AP2B1: variants seen among roughly 807,000 people sequenced by gnomAD.
The protein encoded by AP2B1 is adaptor related protein complex 2 subunit beta 1.
AP2B1 carries 23 observed loss-of-function variants against 102.0 expected under a neutral mutation model. The ratio of observed to expected loss-of-function variants is 0.23; its 90% CI spans 0.16 to 0.32. The LOEUF is 0.32. AP2B1 is among the 10% of genes least tolerant of loss of function. AP2B1 has a pLI of 1.00. For synonymous variants in AP2B1, 381 were observed against 421.2 expected (o/e 0.90, Z 1.17); for missense variants, 541 against 1,157.4 (o/e 0.47, Z 7.73).
chr17:35,679,864 A>T (rs1170234390), intron 17 of AP2B1, among the ~76,000 whole-genome samples: 2 of 151,936 alleles, frequency 1.3e-5, no homozygotes, highest in African/African-American at 2.4e-5. Flanking sequence ...GATGTAGTTT[A>T]TCTAGGAAAA....
intron 12 of AP2B1, among the ~76,000 whole-genome samples, chr17:35,649,403 G>C (rs1377844233): frequency 6.6e-6 from 1 of 151,984 alleles, no homozygotes; most frequent in Non-Finnish European, 1.5e-5. Flanking sequence ...TGAGTAGCTG[G>C]GATTATAGGC....
At chr17:35,602,181 GTT>G (rs894098559) in intron 3 of AP2B1, among the ~76,000 whole-genome samples, 1 of 152,058 alleles carries the variant, frequency 6.6e-6, no homozygotes, top group African/African-American at 2.4e-5. Context: ...GTGGATGTCT[GTT>G]TGCCTTCATG....
intron 3 of AP2B1, among the ~76,000 whole-genome samples, chr17:35,600,091 A>AT (rs1036682627): frequency 2.0e-5 from 3 of 151,312 alleles, no homozygotes; most frequent in Non-Finnish European, 4.4e-5. Context: ...ATTTATCATT[A>AT]TTTTTTTTGA....
intron 16 of AP2B1, 64 bp downstream of exon 16, chr17:35,671,964 A>T (rs1239821942): frequency 6.4e-7 from 1 of 1,557,242 alleles, no homozygotes; most frequent in African/African-American, 1.4e-5. Context: ...TTTCACTTTC[A>T]ACATTTGTGT....
chr17:35,690,662 G>C (rs1030637475), intron 18 of AP2B1, among the ~76,000 whole-genome samples: 1 of 152,124 alleles, frequency 6.6e-6, no homozygotes, highest in Non-Finnish European at 1.5e-5. Context: ...CAGTTCCAGA[G>C]GTGCTACCAG....
In AP2B1 at chr17:35,717,323, A is replaced by G; in HGVS notation, c.2755A>G (p.Ile919Val). The change falls in exon 21 of 22, where the codon ATC becomes GTC. Residue 919 changes from isoleucine (I) to valine (V), a missense_variant. Ile to Val is a conservative substitution (Grantham distance 29). Around this residue, in one of 10 missense-constraint regions of AP2B1, gnomAD observed 117 missense variants for 206.7 expected, o/e 0.57. Coordinates refer to ENST00000610402, the MANE Select transcript of AP2B1 (RefSeq NM_001030006.2). Reference sequence around the variant, plus strand: ...CATTTGGATTTTGGCCGAACTACGTATCCAGCCAGGAAACCCCAATTACAC... The same window carrying G: ...CATTTGGATTTTGGCCGAACTACGTGTCCAGCCAGGAAACCCCAATTACAC... The part of the protein sequence containing the change: ...NGIWILAELR[I>V]QPGNPNYTLS... 1 of 1,614,184 alleles carries G rather than the reference A, an allele frequency of 6.2e-7. No individual in the cohort carries two copies. The highest frequency in any genetic ancestry group is 8.5e-7 in the Non-Finnish European group (1 of 1,180,004).
At chr17:35,626,560 T>C (rs916880925) in intron 6 of AP2B1, 61 bp from the exon 7 acceptor site, 4 of 1,364,750 alleles carry the variant, frequency 2.9e-6, no homozygotes, top group Non-Finnish European at 4.1e-6. Flanking sequence ...TATTACCTTA[T>C]AGAATGAATT....
At chr17:35,599,999 A>G (rs2073424016) in intron 3 of AP2B1, among the ~76,000 whole-genome samples, 1 of 152,236 alleles carries the variant, frequency 6.6e-6, no homozygotes, top group African/African-American at 2.4e-5. Flanking sequence ...ACGGCTTCAG[A>G]TTCTATATTG....
chr17:35,613,763 A>G (rs998346770), intron 5 of AP2B1, among the ~76,000 whole-genome samples: 2 of 152,212 alleles, frequency 1.3e-5, no homozygotes, highest in African/African-American at 4.8e-5. Flanking sequence ...CATTATTGCT[A>G]CAATATTAAT....
At chr17:35,639,297 C>T (rs1400385841) in intron 10 of AP2B1, among the ~76,000 whole-genome samples, 1 of 152,202 alleles carries the variant, frequency 6.6e-6, no homozygotes, top group Admixed American at 6.5e-5. Context: ...CATGCCAATG[C>T]ACTCTAGCCT....
rs587697984 is a variant in AP2B1 at position 35,722,368 on chromosome 17, T to G, written c.2782-1257T>G. On this transcript the variant is annotated intron_variant, in intron 21 of 21. Coordinates refer to ENST00000610402, the MANE Select transcript of AP2B1 (RefSeq NM_001030006.2). ...AGCTATATTCTTAAGTTAGTTGTTT[T>G]GGTTTTTTTTACATTTATCAGAATT... 2.1e-4 allele frequency among the ~76,000 whole-genome samples: 32 copies of G among 152,210 alleles called. No individual in the cohort carries two copies. The South Asian group carries it at 6.2e-3, about 30-fold the overall frequency.
intron 4 of AP2B1, among the ~76,000 whole-genome samples, chr17:35,607,079 ATAT>A (rs2073704668): frequency 6.6e-6 from 1 of 152,016 alleles, no homozygotes; most frequent in African/African-American, 2.4e-5. Context: ...CTAATTTTGT[ATAT>A]TTAGTAGAGA....
At chr17:35,706,370 T>C (rs1464332583) in intron 18 of AP2B1, among the ~76,000 whole-genome samples, 2 of 152,240 alleles carry the variant, frequency 1.3e-5, no homozygotes, top group African/African-American at 4.8e-5. Flanking sequence ...TGTTCTAAAT[T>C]AATTGCTTAT....
intron 21 of AP2B1, among the ~76,000 whole-genome samples, chr17:35,721,944 A>C (rs1215857934): frequency 1.3e-4 from 20 of 152,292 alleles, no homozygotes; most frequent in Middle Eastern, 3.4e-3. Flanking sequence ...AGAAGGAGGT[A>C]CAAGAATTGC....
chr17:35,617,245 A>G (rs1598054939), intron 5 of AP2B1, among the ~76,000 whole-genome samples: 1 of 152,122 alleles, frequency 6.6e-6, no homozygotes, highest in African/African-American at 2.4e-5. Context: ...TAGTAGAGAC[A>G]GGGTTTCACC....
At chr17:35,651,238 T>C (rs1271217512) in intron 13 of AP2B1, among the ~76,000 whole-genome samples, 1 of 152,202 alleles carries the variant, frequency 6.6e-6, no homozygotes, top group East Asian at 1.9e-4. Context: ...GTATAACTTA[T>C]GCTGTAAAGC....
At chr17:35,591,667 GT>G (rs2073105922) in intron 1 of AP2B1, among the ~76,000 whole-genome samples, 1 of 152,030 alleles carries the variant, frequency 6.6e-6, no homozygotes, top group Admixed American at 6.6e-5. Context: ...CTGTTTACTG[GT>G]TTTTCTGTTT....
At chr17:35,655,216 G>A (rs1306319713) in intron 13 of AP2B1, among the ~76,000 whole-genome samples, 1 of 152,006 alleles carries the variant, frequency 6.6e-6, no homozygotes. Flanking sequence ...AGATTAGCTC[G>A]CTAATCTTAG....
intron 18 of AP2B1, among the ~76,000 whole-genome samples, chr17:35,691,516 C>T (rs376963783): frequency 2.6e-5 from 4 of 152,334 alleles, no homozygotes; most frequent in African/African-American, 9.6e-5. Context: ...GCAAGCCAAA[C>T]CAGTCAGTGT....
Sources: allele counts gnomAD v4.1 joint callset (sites outside exome capture counted in the v4.1 genomes callset), GRCh38; gene constraint gnomAD v4.1.1; regional missense constraint gnomAD v4.1.1; transcripts MANE v1.5; gene names NCBI Gene and HGNC (gene_info 2026-07-23, HGNC 2026-07-21).